The following PAMR1 variants were observed in gnomAD, a reference collection of about 807,000 sequenced individuals.
PAMR1 encodes peptidase domain containing associated with muscle regeneration 1.
PAMR1 carries 88 observed loss-of-function variants against 81.8 expected under a neutral mutation model. The observed-to-expected ratio is 1.08, with a 90% CI of 0.91 to 1.28. PAMR1 has a LOEUF of 1.28. Among genes scored for constraint, PAMR1 ranks in the 50% most tolerant of loss-of-function variants. PAMR1 has a pLI of 0.00. For missense variants in PAMR1, 935 were observed against 919.7 expected, an observed-to-expected ratio of 1.02 and a Z score of -0.21; for synonymous variants, 336 against 345.3, an observed-to-expected ratio of 0.97 and a Z score of 0.30.
intron 1 of PAMR1, among the ~76,000 whole-genome samples, chr11:35,499,868 G>T (rs1043064133): frequency 6.6e-6 from 1 of 152,216 alleles, no homozygotes; most frequent in Non-Finnish European, 1.5e-5. Context: ...ATTTTGAGAT[G>T]AGAGGCATAT....
intron 6 of PAMR1, among the ~76,000 whole-genome samples, chr11:35,452,343 G>T (rs1374340072): frequency 6.6e-6 from 1 of 152,014 alleles, no homozygotes; most frequent in Non-Finnish European, 1.5e-5. Context: ...TAAAATACAT[G>T]GGAAAAAATA....
intron 1 of PAMR1, among the ~76,000 whole-genome samples, chr11:35,495,753 G>T (rs1206504884): frequency 6.6e-6 from 1 of 152,038 alleles, no homozygotes; most frequent in Admixed American, 6.6e-5. Context: ...TGTGACACAG[G>T]GTTGATCACT....
chr11:35,434,858 G>A lies in PAMR1; in HGVS notation c.1334-54C>T. On this transcript the variant is annotated intron_variant, in intron 9 of 10. Coordinates refer to ENST00000619888, the MANE Select transcript of PAMR1 (RefSeq NM_001001991.3). ...TAAACTCAGACTTTGCCATCCAAAG[G>A]AGAATGTGTCACTTAACCAGAGAGC... 3 of 1,550,484 alleles carry A rather than the reference G, an allele frequency of 1.9e-6. No individual in the cohort carries two copies. In the South Asian group the frequency reaches 3.5e-5, roughly 18 times the overall value.
chr11:35,489,985 C>T (rs1316941554), intron 3 of PAMR1, among the ~76,000 whole-genome samples: 1 of 152,206 alleles, frequency 6.6e-6, no homozygotes, highest in African/African-American at 2.4e-5. Flanking sequence ...ATAGCTGAGA[C>T]TGGGTAATTT....
At chr11:35,440,263 T>C (rs1856137400) in intron 7 of PAMR1, among the ~76,000 whole-genome samples, 1 of 152,210 alleles carries the variant, frequency 6.6e-6, no homozygotes, top group African/African-American at 2.4e-5. Context: ...ACTTTCCCAA[T>C]CAGGCAGCCA....
intron 1 of PAMR1, among the ~76,000 whole-genome samples, chr11:35,501,714 C>G (rs1315467439): frequency 1.3e-5 from 2 of 152,108 alleles, no homozygotes; most frequent in African/African-American, 2.4e-5. Context: ...CTTATTTCAC[C>G]TAACATGATA....
At chr11:35,511,083 C>T (rs1851063915) in intron 1 of PAMR1, among the ~76,000 whole-genome samples, 2 of 152,234 alleles carry the variant, frequency 1.3e-5, no homozygotes, top group African/African-American at 2.4e-5. Flanking sequence ...CCAACTGGCA[C>T]AGGTTCAGCT....
At chr11:35,504,216 G>T (rs1590384906) in intron 1 of PAMR1, among the ~76,000 whole-genome samples, 2 of 152,186 alleles carry the variant, frequency 1.3e-5, no homozygotes, top group East Asian at 1.9e-4. Flanking sequence ...GCATCCTTGG[G>T]ATGAATCCCA....
chr11:35,494,037 TC>T, intron 2 of PAMR1, 58 bp downstream of exon 2: 1 of 1,377,086 alleles, frequency 7.3e-7, no homozygotes, highest in Non-Finnish European at 1.0e-6. Flanking sequence ...TTCAGCCTGT[TC>T]CTGTTCATTA....
intron 2 of PAMR1, among the ~76,000 whole-genome samples, chr11:35,493,744 G>T (rs150584819): frequency 0.016 from 2,409 of 152,238 alleles, 35 homozygotes; most frequent in Non-Finnish European, 0.026. Context: ...CTGTATGGTA[G>T]CTGCCTGTTC....
upstream of PAMR1, chr11:35,525,863 T>C (rs1200393470): frequency 1.9e-6 from 1 of 532,704 alleles, no homozygotes; most frequent in Non-Finnish European, 3.4e-6. Flanking sequence ...CAAAGGAAGC[T>C]GCGGGGGAGG....
At chr11:35,435,394 G>A (rs1244256147) in intron 9 of PAMR1, among the ~76,000 whole-genome samples, 1 of 152,020 alleles carries the variant, frequency 6.6e-6, no homozygotes, top group African/African-American at 2.4e-5. Context: ...TTTCAGTAGA[G>A]ATGGGGTTTC....
chr11:35,456,589 G>A (rs1478032745), intron 6 of PAMR1, among the ~76,000 whole-genome samples: 1 of 152,138 alleles, frequency 6.6e-6, no homozygotes, highest in Non-Finnish European at 1.5e-5. Flanking sequence ...TTTAACCAGG[G>A]CACATTTGTG....
At chr11:35,485,257 A>G (rs957859630) in intron 3 of PAMR1, among the ~76,000 whole-genome samples, 4 of 152,202 alleles carry the variant, frequency 2.6e-5, no homozygotes, top group Admixed American at 6.5e-5. Context: ...ACAGAAAAAA[A>G]TTAAAATTCA....
chr11:35,520,814 G>T (rs898982829), intron 1 of PAMR1, among the ~76,000 whole-genome samples: 1 of 152,224 alleles, frequency 6.6e-6, no homozygotes, highest in Non-Finnish European at 1.5e-5. Context: ...GGCAGGTAGA[G>T]AAGTTTTCTT....
chr11:35,470,884 C>T (rs1856843347), intron 4 of PAMR1, 66 bp from the exon 5 acceptor site: 1 of 1,079,984 alleles, frequency 9.3e-7, no homozygotes, highest in African/African-American at 1.6e-5. Context: ...CCGCTGGGCT[C>T]ATTCAAGGCC....
At chr11:35,460,052 G>A (rs1845507573) in intron 6 of PAMR1, among the ~76,000 whole-genome samples, 2 of 152,228 alleles carry the variant, frequency 1.3e-5, no homozygotes, top group African/African-American at 4.8e-5. Flanking sequence ...TTAGTACATG[G>A]ATACCAACAA....
At chr11:35,460,900 A>C (rs908256445) in intron 6 of PAMR1, among the ~76,000 whole-genome samples, 2 of 152,198 alleles carry the variant, frequency 1.3e-5, no homozygotes, top group African/African-American at 4.8e-5. Flanking sequence ...ACTCTTCCAC[A>C]ATGGTTGAAC....
At chr11:35,466,717 G>T (rs10836402) in intron 6 of PAMR1, among the ~76,000 whole-genome samples, 1 of 130,026 alleles carries the variant, frequency 7.7e-6, no homozygotes, top group Admixed American at 8.0e-5. Flanking sequence ...ACAGAGAGAG[G>T]CTCTATCTCA....
Sources: gnomAD v4.1 joint callset for allele counts (sites outside exome capture counted in the v4.1 genomes callset) on GRCh38, gnomAD v4.1.1 for gene constraint, MANE v1.5 for transcripts, NCBI Gene and HGNC (gene_info 2026-07-23, HGNC 2026-07-21) for gene names.